Variants in ABCA3 observed in about 807,000 individuals in gnomAD.
The protein encoded by ABCA3 is phospholipid-transporting ATPase ABCA3.
A neutral mutation model predicts 172.8 loss-of-function variants in ABCA3; 88 were observed. The ratio of observed to expected loss-of-function variants is 0.51; its 90% CI spans 0.43 to 0.61. ABCA3 has a LOEUF of 0.61. Ranked by LOEUF, ABCA3 falls within the 20% of genes least tolerant of loss-of-function variation. ABCA3 has a pLI of 0.00. For missense variants in ABCA3, 2,164 were observed against 2,301.0 expected (o/e 0.94, Z 1.22); for synonymous variants, 1,066 against 983.8 (o/e 1.08, Z -1.56).
chr16:2,323,938 AC>A (rs2093730169), intron 6 of ABCA3, among the ~76,000 whole-genome samples: 1 of 152,150 alleles, frequency 6.6e-6, no homozygotes, highest in Admixed American at 6.6e-5. Context: ...GTGAAGTGCC[AC>A]CGAGTGTTCA....
chr16:2,287,967 A>G lies in ABCA3; in HGVS notation c.3004+59T>C. The G allele has an allele frequency of 6.3e-7, 1 of 1,586,690 alleles. No homozygotes were observed. The highest frequency in any genetic ancestry group is 8.5e-7 in the Non-Finnish European group (1 of 1,171,628). On this transcript the variant is annotated intron_variant, in intron 21 of 32. Coordinates refer to ENST00000301732, the MANE Select transcript of ABCA3 (RefSeq NM_001089.3). The surrounding 1 kb of genome is among the most constrained non-coding windows in gnomAD (Gnocchi z 4.1). The stretch of plus-strand genomic sequence containing the variant: ...CGACCCTGCTGCAGTCAGGAAGGCG[A>G]ACTCTGGCTGCAGGACTGGCCCCCG...
In ABCA3 at chr16:2,289,464, C is replaced by T. The variant is rs772204940; in HGVS notation, c.2670G>A (p.Glu890=). 6 of 1,593,630 alleles carry T rather than the reference C, an allele frequency of 3.8e-6. No individual in the cohort carries two copies. In the Admixed American group the frequency reaches 8.8e-5, roughly 23 times the overall value. Residue 890 remains glutamate, a synonymous_variant, in exon 20 of 33, where the codon GAG becomes GAA. Coordinates refer to ENST00000301732, the MANE Select transcript of ABCA3 (RefSeq NM_001089.3). ...TGTTGAGCTTGACAGCGGTGCGCTC[C>T]TCCTCGATGAGGGCTCCAATGCCGT... is the stretch of plus-strand genomic sequence containing the variant. ...PSDGIGALIE[E]ERTAVKLNTG...
chr16:2,277,500 T>C lies in ABCA3; in HGVS notation c.4983+97A>G. 6 of 1,299,674 alleles carry C rather than the reference T, an allele frequency of 4.6e-6. No individual in the cohort carries two copies. Among genetic ancestry groups the C allele is most frequent in the Non-Finnish European group, 5.5e-6 (5 of 912,792 alleles). 80.5% of individuals were successfully genotyped at this position (1,299,674 alleles called of 1,614,324 possible). A position where few individuals can be genotyped will look rare whatever the true frequency, so the allele number is the denominator to read the frequency against. ...GGGGAGAAATGGAAAGTGACTCCTC[T>C]GTGGAAAGAGCCTGCAGTCACCACA... On this transcript the variant is annotated intron_variant, in intron 32 of 32. Transcript: ENST00000301732. The surrounding 1 kb of genome is among the most constrained non-coding windows in gnomAD (Gnocchi z 5.3).
At chr16:2,314,753 T>C (rs945399616) in intron 10 of ABCA3, among the ~76,000 whole-genome samples, 1 of 151,686 alleles carries the variant, frequency 6.6e-6, no homozygotes, top group African/African-American at 2.4e-5. Context: ...ATTTTGTATT[T>C]TTAGTAGAGA....
chr16:2,289,132 A>G, intron 20 of ABCA3: 1 of 431,856 alleles, frequency 2.3e-6, no homozygotes, highest in Non-Finnish European at 4.2e-6. Context: ...GAGTGCATCA[A>G]CCAACCTCCG....
chr16:2,306,646 C>T (rs1159232282), intron 11 of ABCA3, among the ~76,000 whole-genome samples: 4 of 152,172 alleles, frequency 2.6e-5, no homozygotes, highest in Non-Finnish European at 4.4e-5. Context: ...AGGTTTGGTG[C>T]CCACAGCAGG....
rs1013536614 is a variant in ABCA3, at chr16:2,279,661, G to C, written c.4360-531C>G. 6.6e-6 allele frequency among the ~76,000 whole-genome samples: 1 copy of C among 152,146 alleles called. No homozygotes were observed. Among genetic ancestry groups the C allele is most frequent in the South Asian group, 2.1e-4 (1 of 4,836 alleles). On this transcript the variant is annotated intron_variant, in intron 28 of 32. Transcript: ENST00000301732. This position sits in a 1 kb window ranked among gnomAD's most constrained non-coding sequence, Gnocchi z 4.4. ...TACCTTCAGCAGCTGGTCGGGGGCAGGAGTGCCTGGGTTCTGTGGATTCCA... is the reference window on the plus strand; with the variant it reads ...TACCTTCAGCAGCTGGTCGGGGGCACGAGTGCCTGGGTTCTGTGGATTCCA...
At position 2,322,228 on chromosome 16, in the gene ABCA3, C is replaced by A. The variant is rs543413100; in HGVS notation, c.613+1295G>T. Reference sequence around the variant, plus strand: ...AAAAAAAAGAAAAAAAGCTGAAATACAAATGTTTCATTCAAGAGCACGTCT... The same window carrying A: ...AAAAAAAAGAAAAAAAGCTGAAATAAAAATGTTTCATTCAAGAGCACGTCT... On this transcript the variant is annotated intron_variant, in intron 7 of 32. Transcript: ENST00000301732. Among the ~76,000 whole-genome samples the A allele has an allele frequency of 2.0e-5, 3 of 150,850 alleles. No individual in the cohort carries two copies. The East Asian group carries it at 5.9e-4, about 29-fold the overall frequency.
intron 26 of ABCA3, among the ~76,000 whole-genome samples, chr16:2,282,983 A>G (rs2093657316): frequency 6.6e-6 from 1 of 152,118 alleles, no homozygotes; most frequent in Admixed American, 6.5e-5. Flanking sequence ...GGGGCTCACA[A>G]CTCGACAGCC....
Position 2,308,627 on chromosome 16 carries a change from C to G in ABCA3, c.1112-4G>C. 6.2e-7 allele frequency: 1 copy of G among 1,613,874 alleles called. No homozygotes were observed. The highest frequency in any genetic ancestry group is 8.5e-7 in the Non-Finnish European group (1 of 1,179,846). ...CCGAAGGCTGCTGCCATGTTGGCTG[C>G]AGGTGTTGGAAGACCCGGGGGGCGT... is the stretch of plus-strand genomic sequence containing the variant. On this transcript the variant is annotated splice_polypyrimidine_tract_variant and splice_region_variant and intron_variant, in intron 10 of 32. Coordinates refer to ENST00000301732, the MANE Select transcript of ABCA3 (RefSeq NM_001089.3).
At chr16:2,332,673 G>A (rs966620367) in intron 1 of ABCA3, 49 of 1,599,790 alleles carry the variant, frequency 3.1e-5, no homozygotes, top group Admixed American at 1.3e-4. Context: ...GACCATTGCC[G>A]CGTTTGCAGT....
chr16:2,338,913 C>G (rs1001627729), intron 1 of ABCA3, among the ~76,000 whole-genome samples: 2 of 151,974 alleles, frequency 1.3e-5, no homozygotes, highest in Admixed American at 6.6e-5. Flanking sequence ...TGCCACCATG[C>G]CCGGCTAATT....
In ABCA3 at chr16:2,326,161, G is replaced by A. The variant is rs771079457; in HGVS notation, c.168C>T (p.Ile56=). The change falls in exon 5 of 33, where the codon ATC becomes ATT. Residue 56 remains isoleucine (I), a synonymous_variant. Transcript: ENST00000301732. ...IQSENVPNAT[I]YPGQSIQELP... ...GCTCCTGGATGGACTGGCCCGGGTA[G>A]ATGGTGGCGTTGGGCACATTTTCCG... 1.2e-5 allele frequency: 19 copies of A among 1,614,076 alleles called. No individual in the cohort carries two copies. Among genetic ancestry groups the A allele is most frequent in the Non-Finnish European group, 1.5e-5 (18 of 1,180,060 alleles).
At chr16:2,331,997 T>C (rs554688126) in intron 1 of ABCA3, among the ~76,000 whole-genome samples, 1 of 152,308 alleles carries the variant, frequency 6.6e-6, no homozygotes, top group African/African-American at 2.4e-5. Flanking sequence ...CACATATCAT[T>C]GAGTATCTCA....
Position 2,299,988 on chromosome 16 carries a change from C to A in ABCA3, c.1611+17G>T, listed in dbSNP as rs2093686397. ...CCTGGCAGCCCCGGCCCTCCCTGTC[C>A]CCACAGGAGGCGGCACCTTGGACAG... On this transcript the variant is annotated intron_variant, in intron 13 of 32. Transcript: ENST00000301732. 3 of 1,612,268 alleles carry A rather than the reference C, an allele frequency of 1.9e-6. No individual in the cohort carries two copies. Among genetic ancestry groups the A allele is most frequent in the Non-Finnish European group, 2.5e-6 (3 of 1,179,974 alleles).
In ABCA3 at chr16:2,334,854, G is replaced by A. The variant is rs375808834; in HGVS notation, c.-538-5000C>T. Among the ~76,000 whole-genome samples, 462 of 147,044 alleles carry A rather than the reference G, an allele frequency of 3.1e-3. 3 individuals are homozygous for A. Among genetic ancestry groups the A allele is most frequent in the African/African-American group, 0.011 (429 of 39,738 alleles). On this transcript the variant is annotated intron_variant, in intron 1 of 32. Coordinates refer to ENST00000301732, the MANE Select transcript of ABCA3 (RefSeq NM_001089.3). The stretch of plus-strand genomic sequence containing the variant: ...TCTTTTTTTTTTTTTTTGAGACGGA[G>A]TTTCACTCTTGTTGCCCAGGCTGGA...
At chr16:2,295,770 T>C (rs764672794) in intron 17 of ABCA3, 30 bp from the exon 18 acceptor site, 3 of 1,613,376 alleles carry the variant, frequency 1.9e-6, no homozygotes, top group Non-Finnish European at 2.5e-6. Context: ...GTGAGATCTT[T>C]GGCTGATCCC....
chr16:2,304,955 G>A (rs1327815039), intron 11 of ABCA3, among the ~76,000 whole-genome samples: 12 of 152,018 alleles, frequency 7.9e-5, no homozygotes, highest in African/African-American at 2.7e-4. Context: ...GATTACAGGC[G>A]TGAGCCACTG....
At position 2,288,336 on chromosome 16, in the gene ABCA3, C is replaced by T; in HGVS notation, c.2701-7G>A. 1 of 1,545,806 alleles carries T rather than the reference C, an allele frequency of 6.5e-7. No homozygotes were observed. Among genetic ancestry groups the T allele is most frequent in the Non-Finnish European group, 8.7e-7 (1 of 1,150,080 alleles). On this transcript the variant is annotated splice_region_variant and splice_polypyrimidine_tract_variant and intron_variant, in intron 20 of 32. Coordinates refer to ENST00000301732, the MANE Select transcript of ABCA3 (RefSeq NM_001089.3). Reference sequence around the variant, plus strand: ...GCTGGCAGTGCAGGGCGAGCTGCGGCAGAGGGGACGCAGGTGACACCGGCA... The same window carrying T: ...GCTGGCAGTGCAGGGCGAGCTGCGGTAGAGGGGACGCAGGTGACACCGGCA...
Sources: gnomAD v4.1 joint callset for allele counts (sites outside exome capture counted in the v4.1 genomes callset) on GRCh38, gnomAD v4.1.1 for gene constraint, Gnocchi (gnomAD v3.1) non-coding constraint, MANE v1.5 for transcripts, NCBI Gene and HGNC (gene_info 2026-07-23, HGNC 2026-07-21) for gene names.